Variants in SLC28A1 observed in about 807,000 individuals in gnomAD.
SLC28A1 encodes sodium/nucleoside cotransporter 1.
In SLC28A1, 64 loss-of-function variants were observed where a neutral mutation model predicts 74.8. The observed-to-expected ratio is 0.86, with a 90% CI of 0.70 to 1.05. The LOEUF is 1.05. SLC28A1 is among the 50% of genes least tolerant of loss of function. SLC28A1 has a pLI of 0.00. For missense variants in SLC28A1, 828 were observed against 822.8 expected, an observed-to-expected ratio of 1.01 and a Z score of -0.08; for synonymous variants, 359 against 335.0, an observed-to-expected ratio of 1.07 and a Z score of -0.78.
At chr15:84,974,139 G>A in the SLC28A1 span, among the ~76,000 whole-genome samples, 5 of 152,204 alleles carry the variant, frequency 3.3e-5, no homozygotes, top group African/African-American at 4.8e-5. Context: ...ATTCACGATC[G>A]TTGCGGCTGA....
At chr15:84,896,911 T>C (rs1208366045) in intron 6 of SLC28A1, among the ~76,000 whole-genome samples, 1 of 152,188 alleles carries the variant, frequency 6.6e-6, no homozygotes. Context: ...ATATGAAATG[T>C]CCAGAATGGG....
At chr15:84,927,863 A>G (rs564614818) in intron 12 of SLC28A1, among the ~76,000 whole-genome samples, 1 of 151,754 alleles carries the variant, frequency 6.6e-6, no homozygotes, top group South Asian at 2.1e-4. Flanking sequence ...TCAAAAATGG[A>G]AACCCAAAAC....
intron 3 of SLC28A1, 136 bp from the exon 4 acceptor site, chr15:84,888,636 G>A (rs1013167485): frequency 2.9e-6 from 2 of 683,064 alleles, no homozygotes; most frequent in African/African-American, 1.8e-5. Flanking sequence ...CAGTTTAGTA[G>A]CCTTCTAATT....
chr15:84,939,353 G>A (rs372583125), intron 15 of SLC28A1, among the ~76,000 whole-genome samples: 2 of 151,920 alleles, frequency 1.3e-5, no homozygotes, highest in East Asian at 3.9e-4. Context: ...AGCAAGAAAG[G>A]AAAGAAGGAA....
At chr15:84,956,442 C>CCTTT in the SLC28A1 span, among the ~76,000 whole-genome samples, 284 of 124,638 alleles carry the variant, frequency 2.3e-3, 1 homozygote, top group Middle Eastern at 8.0e-3. Flanking sequence ...TTCCTTCCTT[C>CCTTT]CTTTCTTTCT....
At chr15:84,921,841 A>G (rs568974665) in intron 11 of SLC28A1, among the ~76,000 whole-genome samples, 1 of 152,330 alleles carries the variant, frequency 6.6e-6, no homozygotes, top group South Asian at 2.1e-4. Context: ...AAAATCCCTT[A>G]AGGTGTTCAA....
chr15:84,937,266 A>T (rs1425808678), intron 15 of SLC28A1, among the ~76,000 whole-genome samples: 1 of 152,158 alleles, frequency 6.6e-6, no homozygotes, highest in Non-Finnish European at 1.5e-5. Context: ...CCACATGTTG[A>T]AATGAGTATC....
At chr15:84,888,158 A>G (rs2141620365) in intron 3 of SLC28A1, among the ~76,000 whole-genome samples, 1 of 152,246 alleles carries the variant, frequency 6.6e-6, no homozygotes, top group Non-Finnish European at 1.5e-5. Context: ...TAGAGCTGTG[A>G]CCTACAGAAT....
Position 84,945,509 on chromosome 15 carries a change from T to G in SLC28A1, c.*309T>G. 1 of 407,014 alleles carries G rather than the reference T, an allele frequency of 2.5e-6. No homozygotes were observed. The highest frequency in any genetic ancestry group is 4.7e-6 in the Non-Finnish European group (1 of 213,630). The allele number at this position is 407,014 out of a possible 1,614,324, so 25.2% of individuals were successfully genotyped here. ...ATCCAAACAGCACCCTGGTCCTCTCTATCCCCCCTCTCCTGGGGTCCCTCA... is the reference window on the plus strand; with the variant it reads ...ATCCAAACAGCACCCTGGTCCTCTCGATCCCCCCTCTCCTGGGGTCCCTCA... On this transcript the variant is annotated 3_prime_UTR_variant, in exon 19 of 19. Coordinates refer to ENST00000394573, the MANE Select transcript of SLC28A1 (RefSeq NM_004213.5).
chr15:84,920,153 A>G (rs1279042041), intron 10 of SLC28A1, among the ~76,000 whole-genome samples: 1 of 152,222 alleles, frequency 6.6e-6, no homozygotes, highest in Non-Finnish European at 1.5e-5. Context: ...GATTAAAAAG[A>G]AGAGCTTTCT....
chr15:84,894,887 T>G (rs7166433), intron 5 of SLC28A1, 53 bp from the exon 6 acceptor site: 810,185 of 1,572,582 alleles, frequency 0.52, 214,342 homozygotes, highest in Middle Eastern at 0.57. Context: ...GGCTGCAGGG[T>G]TCTGAAGAGG....
the SLC28A1 span, among the ~76,000 whole-genome samples, chr15:84,958,592 T>C: frequency 2.6e-5 from 4 of 152,096 alleles, no homozygotes; most frequent in African/African-American, 9.7e-5. Flanking sequence ...CTCATTCTAT[T>C]ACCCAGCCTG....
At chr15:84,898,730 A>C (rs1966287557) in intron 6 of SLC28A1, among the ~76,000 whole-genome samples, 1 of 152,216 alleles carries the variant, frequency 6.6e-6, no homozygotes, top group African/African-American at 2.4e-5. Flanking sequence ...CAGGCAATAA[A>C]GGACACTGAT....
the SLC28A1 span, among the ~76,000 whole-genome samples, chr15:84,975,036 G>T: frequency 6.6e-6 from 1 of 152,092 alleles, no homozygotes; most frequent in South Asian, 2.1e-4. Context: ...AAACCTTGTT[G>T]GAGGCTGGAG....
intron 6 of SLC28A1, among the ~76,000 whole-genome samples, chr15:84,902,627 C>T (rs1474636686): frequency 6.6e-6 from 1 of 151,520 alleles, no homozygotes; most frequent in Non-Finnish European, 1.5e-5. Flanking sequence ...ATACGTATGC[C>T]AAAACGTATC....
At chr15:84,908,187 T>A (rs1176115955) in intron 8 of SLC28A1, among the ~76,000 whole-genome samples, 1 of 131,774 alleles carries the variant, frequency 7.6e-6, no homozygotes, top group Non-Finnish European at 1.7e-5. Context: ...TCTTTTTTTT[T>A]TTTTTTTTTT....
At chr15:84,918,758 C>G (rs945663573) in intron 10 of SLC28A1, among the ~76,000 whole-genome samples, 154 bp downstream of exon 10, 1 of 152,048 alleles carries the variant, frequency 6.6e-6, no homozygotes, top group Non-Finnish European at 1.5e-5. Context: ...TTCCCAGTGC[C>G]TCCACCTTCC....
At chr15:84,902,370 C>T (rs1392676646) in intron 6 of SLC28A1, among the ~76,000 whole-genome samples, 7 of 151,932 alleles carry the variant, frequency 4.6e-5, no homozygotes, top group African/African-American at 1.5e-4. Context: ...GTCCCAGCTA[C>T]TTGGGAAGCT....
At chr15:84,913,601 G>C (rs1023408540) in intron 9 of SLC28A1, among the ~76,000 whole-genome samples, 1 of 152,232 alleles carries the variant, frequency 6.6e-6, no homozygotes, top group African/African-American at 2.4e-5. Flanking sequence ...AAAGGATGCT[G>C]CTGGTCCACG....
Sources: gnomAD v4.1 joint callset for allele counts (sites outside exome capture counted in the v4.1 genomes callset) on GRCh38, gnomAD v4.1.1 for gene constraint, MANE v1.5 for transcripts, NCBI Gene and HGNC (gene_info 2026-07-23, HGNC 2026-07-21) for gene names.